Variants in ROBO1 observed in about 807,000 individuals in gnomAD.
ROBO1 encodes roundabout guidance receptor 1, also known as roundabout homolog 1.
Under a neutral mutation model 195.9 loss-of-function variants are expected in ROBO1, and 149 were observed. The ratio of observed to expected loss-of-function variants is 0.76; its 90% CI spans 0.67 to 0.87. The LOEUF is 0.87. Among genes scored for constraint, ROBO1 ranks in the 40% least tolerant of loss-of-function variants. The probability of loss-of-function intolerance (pLI) is 0.00; values close to 1 mark genes in which losing one functional copy is unlikely to be tolerated. For missense variants in ROBO1, 1,933 were observed against 2,068.3 expected, an observed-to-expected ratio of 0.93 and a Z score of 1.27; for synonymous variants, 816 against 733.2, an observed-to-expected ratio of 1.11 and a Z score of -1.82.
intron 4 of ROBO1, among the ~76,000 whole-genome samples, chr3:78,789,933 G>A (rs1015164596): frequency 6.6e-6 from 1 of 152,128 alleles, no homozygotes; most frequent in Non-Finnish European, 1.5e-5. Context: ...CTCCCAAATT[G>A]GACCAACATC....
intron 4 of ROBO1, among the ~76,000 whole-genome samples, chr3:78,892,464 C>T (rs1245128090): frequency 6.6e-6 from 1 of 152,156 alleles, no homozygotes; most frequent in African/African-American, 2.4e-5. Flanking sequence ...GATGTAATCA[C>T]TGTAAGCAGC....
intron 5 of ROBO1, among the ~76,000 whole-genome samples, chr3:78,723,049 T>C (rs1205070957): frequency 2.6e-5 from 4 of 152,202 alleles, no homozygotes; most frequent in African/African-American, 9.6e-5. Flanking sequence ...TTTTTATTAA[T>C]ATTACAATTA....
At chr3:79,589,736 T>G in intron 2 of ROBO1, 88 bp downstream of exon 2, 3 of 1,078,084 alleles carry the variant, frequency 2.8e-6, no homozygotes, top group Non-Finnish European at 4.2e-6. Context: ...TGAACAAACT[T>G]GATTTGCAAC....
At chr3:79,137,116 A>G (rs569942886) in intron 2 of ROBO1, among the ~76,000 whole-genome samples, 1 of 152,272 alleles carries the variant, frequency 6.6e-6, no homozygotes, top group African/African-American at 2.4e-5. Context: ...TAGAAGAACC[A>G]TGATTACAAT....
intron 3 of ROBO1, among the ~76,000 whole-genome samples, chr3:79,070,280 T>C (rs1199614815): frequency 1.3e-5 from 2 of 151,900 alleles, no homozygotes; most frequent in East Asian, 3.9e-4. Flanking sequence ...TTATTGGATA[T>C]ACAATATTTA....
chr3:78,714,584 T>C (rs960024541), intron 7 of ROBO1, 60 bp from the exon 8 acceptor site: 4 of 1,493,182 alleles, frequency 2.7e-6, no homozygotes, highest in Non-Finnish European at 2.7e-6. Context: ...GATCTCATTA[T>C]TATACACACA....
At chr3:79,240,816 A>AT (rs1419411572) in intron 2 of ROBO1, among the ~76,000 whole-genome samples, 4 of 151,688 alleles carry the variant, frequency 2.6e-5, no homozygotes, top group Non-Finnish European at 5.9e-5. Context: ...TAGTTTTAAA[A>AT]TTTTTTTGTA....
rs142906881 is a variant in ROBO1, at chr3:79,753,616, C to T, written c.-51+14136G>A. 1.8e-3 allele frequency among the ~76,000 whole-genome samples: 267 copies of T among 152,200 alleles called. 2 individuals are homozygous for T. The highest frequency in any genetic ancestry group is 6.0e-3 in the African/African-American group (248 of 41,496). On this transcript the variant is annotated intron_variant, in intron 1 of 30. Coordinates refer to ENST00000464233, the MANE Select transcript of ROBO1 (RefSeq NM_002941.4). Reference sequence around the variant, plus strand: ...CCAATTATTATTATTAATACCATGTCATTTTGTTCTCCTTTACATAAAAGT... The same window carrying T: ...CCAATTATTATTATTAATACCATGTTATTTTGTTCTCCTTTACATAAAAGT...
intron 2 of ROBO1, among the ~76,000 whole-genome samples, chr3:79,556,540 T>C (rs986091816): frequency 2.0e-5 from 3 of 152,220 alleles, no homozygotes; most frequent in African/African-American, 7.2e-5. Context: ...GTGAAGGTAA[T>C]TACTTTTTAG....
rs571788449 is a variant in ROBO1 at position 79,264,927 on chromosome 3, T to G, written c.89-139388A>C. On this transcript the variant is annotated intron_variant, in intron 2 of 30. Transcript: ENST00000464233. ...TGTCTCTGCCAGAAACTTTTATTTT[T>G]ATGTCAGGTTGATTAAGTTTATCTG... 3.3e-5 allele frequency among the ~76,000 whole-genome samples: 5 copies of G among 152,050 alleles called. No individual in the cohort carries two copies. In the South Asian group the frequency reaches 1.0e-3, roughly 31 times the overall value.
At chr3:79,706,134 C>T (rs1052740630) in intron 1 of ROBO1, among the ~76,000 whole-genome samples, 2 of 151,994 alleles carry the variant, frequency 1.3e-5, no homozygotes, top group Non-Finnish European at 2.9e-5. Context: ...AATCAGCACA[C>T]CTTTCATTTT....
intron 3 of ROBO1, among the ~76,000 whole-genome samples, chr3:79,021,531 C>T (rs1432280690): frequency 6.6e-6 from 1 of 152,098 alleles, no homozygotes; most frequent in Non-Finnish European, 1.5e-5. Context: ...GAAGTTTGCT[C>T]GTATCTCTCA....
chr3:78,700,244 T>C (rs76339243), intron 8 of ROBO1, among the ~76,000 whole-genome samples: 48 of 152,334 alleles, frequency 3.2e-4, no homozygotes, highest in African/African-American at 1.1e-3. Flanking sequence ...ACTATAGATA[T>C]TTGTGTGTAT....
chr3:79,240,082 T>A (rs1000563852), intron 2 of ROBO1, among the ~76,000 whole-genome samples: 1 of 152,182 alleles, frequency 6.6e-6, no homozygotes, highest in African/African-American at 2.4e-5. Context: ...TAGCAATGTT[T>A]AGGTATGTAG....
chr3:78,702,432 T>C (rs777939749), intron 8 of ROBO1, among the ~76,000 whole-genome samples: 10 of 152,216 alleles, frequency 6.6e-5, no homozygotes, highest in South Asian at 2.1e-4. Context: ...GATCACTTTA[T>C]GTGCAAACAA....
intron 2 of ROBO1, among the ~76,000 whole-genome samples, chr3:79,311,738 G>A (rs1188818026): frequency 6.6e-6 from 1 of 152,092 alleles, no homozygotes; most frequent in African/African-American, 2.4e-5. Context: ...AGCTTTTAAA[G>A]TGTTTTACGT....
chr3:79,666,698 A>G (rs544140874), intron 1 of ROBO1, among the ~76,000 whole-genome samples: 1 of 151,984 alleles, frequency 6.6e-6, no homozygotes, highest in South Asian at 2.1e-4. Flanking sequence ...CTCCCCAGCC[A>G]CGAGGAACTA....
intron 18 of ROBO1, among the ~76,000 whole-genome samples, chr3:78,653,027 A>G (rs1384496538): frequency 2.6e-5 from 4 of 152,158 alleles, no homozygotes; most frequent in Admixed American, 1.3e-4. Flanking sequence ...GTGAAACAAG[A>G]AGGTGTTGGC....
chr3:79,736,649 T>C (rs984206256), intron 1 of ROBO1, among the ~76,000 whole-genome samples: 1 of 152,212 alleles, frequency 6.6e-6, no homozygotes, highest in Non-Finnish European at 1.5e-5. Context: ...GTGGACAATG[T>C]TAATCATATT....
Sources: gnomAD v4.1 joint callset for allele counts (sites outside exome capture counted in the v4.1 genomes callset) on GRCh38, gnomAD v4.1.1 for gene constraint, MANE v1.5 for transcripts, NCBI Gene and HGNC (gene_info 2026-07-23, HGNC 2026-07-21) for gene names.